Variants in PLCZ1 observed in about 807,000 individuals in gnomAD.
The protein encoded by PLCZ1 is 1-phosphatidylinositol 4,5-bisphosphate phosphodiesterase zeta-1.
In PLCZ1, 64 loss-of-function variants were observed where a neutral mutation model predicts 76.8. That is an observed-to-expected ratio of 0.83 (90% CI 0.68 to 1.03). PLCZ1 has a LOEUF of 1.03. PLCZ1 is among the 50% of genes least tolerant of loss of function. PLCZ1 has a pLI of 0.00. For synonymous variants in PLCZ1, 248 were observed against 230.8 expected (o/e 1.07, Z -0.68); for missense variants, 751 against 713.7 (o/e 1.05, Z -0.60).
intron 6 of PLCZ1, among the ~76,000 whole-genome samples, chr12:18,706,490 C>T (rs1956632057): frequency 6.6e-6 from 1 of 152,040 alleles, no homozygotes; most frequent in Non-Finnish European, 1.5e-5. Context: ...GAATTAGAAA[C>T]AAAGATAAAG....
In PLCZ1 at chr12:18,703,311, TG is replaced by T. The variant is rs563191178; in HGVS notation, c.865-1536del. Among the ~76,000 whole-genome samples, 359 of 152,314 alleles carry T rather than the reference TG, an allele frequency of 2.4e-3. 2 individuals carry two copies. Among genetic ancestry groups the T allele is most frequent in the Middle Eastern group, 0.014 (4 of 294 alleles). On this transcript the variant is annotated intron_variant, in intron 7 of 14. Transcript: ENST00000266505. ...GTTCTATCATCAGCCCTATATGTCT[TG>T]TCACTAGTGTCACAACACTTTCACT...
chr12:18,665,898 G>A, the PLCZ1 span, among the ~76,000 whole-genome samples: 1 of 148,624 alleles, frequency 6.7e-6, no homozygotes, highest in Admixed American at 6.8e-5. Flanking sequence ...TCGCGCCATT[G>A]TACTCCAGCC....
chr12:18,674,595 G>C, the PLCZ1 span, among the ~76,000 whole-genome samples: 1 of 152,158 alleles, frequency 6.6e-6, no homozygotes, highest in Non-Finnish European at 1.5e-5. Context: ...ATTCTTGAGA[G>C]AGTAAACCTA....
the PLCZ1 span, among the ~76,000 whole-genome samples, chr12:18,651,780 G>T: frequency 1.3e-5 from 2 of 152,152 alleles, no homozygotes; most frequent in Non-Finnish European, 2.9e-5. Flanking sequence ...CTCCTTGCAG[G>T]GTATATGAAT....
At chr12:18,703,880 A>C (rs71461101) in intron 7 of PLCZ1, among the ~76,000 whole-genome samples, 5,413 of 152,300 alleles carry the variant, frequency 0.036, 131 homozygotes, top group East Asian at 0.08. Flanking sequence ...AATAAGGAAA[A>C]TACAGAGGGC....
chr12:18,705,459 C>T, intron 6 of PLCZ1, 144 bp from the exon 7 acceptor site: 2 of 1,011,386 alleles, frequency 2.0e-6, no homozygotes, highest in Non-Finnish European at 2.9e-6. Context: ...ACTGAAAGTA[C>T]TTTTGAGTTT....
At position 18,705,324 on chromosome 12, in the gene PLCZ1, G is replaced by C. The variant is rs759357713; in HGVS notation, c.715-9C>G. 4.3e-6 allele frequency: 7 copies of C among 1,613,806 alleles called. No homozygotes were observed. The highest frequency in any genetic ancestry group is 5.9e-6 in the Non-Finnish European group (7 of 1,179,904). ...ACTGGGTAGTCAGATGTCTAAAAAA[G>C]TAACCATTACTATGGTTATTCATCA... On this transcript the variant is annotated splice_polypyrimidine_tract_variant and intron_variant, in intron 6 of 14. Transcript: ENST00000266505.
At chr12:18,715,681 T>C (rs1458377914) in intron 5 of PLCZ1, 2 of 152,280 alleles carry the variant, frequency 1.3e-5, no homozygotes, top group African/African-American at 4.8e-5. Flanking sequence ...GTTGTTGTTT[T>C]TAAGATGGGG....
intron 12 of PLCZ1, chr12:18,694,168 G>C (rs564040264): frequency 4.4e-6 from 3 of 683,630 alleles, no homozygotes; most frequent in Middle Eastern, 4.1e-4. Context: ...GAGGCTGGGG[G>C]AGTTGCCCAG....
chr12:18,680,715 A>G (rs1235472423), downstream of PLCZ1, among the ~76,000 whole-genome samples: 1 of 152,094 alleles, frequency 6.6e-6, no homozygotes, highest in Non-Finnish European at 1.5e-5. Context: ...TCTATTGCTC[A>G]CTACAAAAGG....
chr12:18,663,161 G>C, the PLCZ1 span, among the ~76,000 whole-genome samples: 1 of 152,006 alleles, frequency 6.6e-6, no homozygotes, highest in African/African-American at 2.4e-5. Context: ...CTAAGATCAG[G>C]AACAAGGCAA....
chr12:18,674,095 G>A, the PLCZ1 span, among the ~76,000 whole-genome samples: 1 of 152,184 alleles, frequency 6.6e-6, no homozygotes, highest in African/African-American at 2.4e-5. Context: ...TACCACAACT[G>A]TGAAGAATAA....
chr12:18,692,483 T>A (rs1220382832), intron 12 of PLCZ1, among the ~76,000 whole-genome samples: 1 of 152,044 alleles, frequency 6.6e-6, no homozygotes, highest in Middle Eastern at 3.2e-3. Context: ...TGGAAACAAA[T>A]CTTAGACAAC....
intron 3 of PLCZ1, among the ~76,000 whole-genome samples, chr12:18,728,205 A>T (rs1388587197): frequency 6.6e-6 from 1 of 152,174 alleles, no homozygotes; most frequent in African/African-American, 2.4e-5. Context: ...TAGAATGATA[A>T]CTTTGCAGTC....
the PLCZ1 span, among the ~76,000 whole-genome samples, chr12:18,674,041 G>T: frequency 6.6e-6 from 1 of 152,176 alleles, no homozygotes; most frequent in Non-Finnish European, 1.5e-5. Context: ...AAAGCTGTGA[G>T]TATCAGGAAG....
chr12:18,722,735 G>T (rs548593839), intron 4 of PLCZ1, among the ~76,000 whole-genome samples: 1 of 151,928 alleles, frequency 6.6e-6, no homozygotes, highest in East Asian at 1.9e-4. Flanking sequence ...TAGCCTAAAT[G>T]GTCATTTAAT....
chr12:18,683,317 A>T lies in PLCZ1; in HGVS notation c.1749T>A (p.Arg583=). The T allele has an allele frequency of 6.2e-7, 1 of 1,612,432 alleles. No individual in the cohort carries two copies. Among genetic ancestry groups the T allele is most frequent in the Non-Finnish European group, 8.5e-7 (1 of 1,178,902 alleles). The change falls in exon 15 of 15, where the codon CGT becomes CGA. Residue 583 remains arginine, a synonymous_variant. Transcript: ENST00000266505. The part of the protein sequence containing the change: ...LPLLCMNKGY[R]RIPLFSRMGE... ...CCATTCTGGAAAACAGAGGAATACG[A>T]CGATAACCTGCAAAAGGAATTATAT...
intron 12 of PLCZ1, among the ~76,000 whole-genome samples, chr12:18,692,295 C>G (rs954257998): frequency 6.6e-6 from 1 of 152,110 alleles, no homozygotes; most frequent in African/African-American, 2.4e-5. Flanking sequence ...CATAGCCACT[C>G]TATTGATTTG....
intron 3 of PLCZ1, among the ~76,000 whole-genome samples, chr12:18,724,268 C>A (rs1438124854): frequency 6.6e-6 from 1 of 151,948 alleles, no homozygotes; most frequent in Non-Finnish European, 1.5e-5. Flanking sequence ...AAAGAACAGA[C>A]CTCGGTGAAA....
Sources: allele counts gnomAD v4.1 joint callset (sites outside exome capture counted in the v4.1 genomes callset), GRCh38; gene constraint gnomAD v4.1.1; transcripts MANE v1.5; gene names NCBI Gene and HGNC (gene_info 2026-07-23, HGNC 2026-07-21).